LMTK3: variants seen among roughly 807,000 people sequenced by gnomAD.
LMTK3 encodes lemur tail kinase 3.
Under a neutral mutation model 116.7 loss-of-function variants are expected in LMTK3, and 27 were observed. That is an observed-to-expected ratio of 0.23 (90% CI 0.17 to 0.32). LMTK3 has a LOEUF of 0.32. Ranked by LOEUF, LMTK3 falls within the 10% of genes least tolerant of loss-of-function variation. The pLI is 1.00. For synonymous variants in LMTK3, 965 were observed against 971.0 expected, an observed-to-expected ratio of 0.99 and a Z score of 0.11; for missense variants, 1,764 against 2,068.5, an observed-to-expected ratio of 0.85 and a Z score of 2.86.
chr19:48,510,661 G>T, intron 1 of LMTK3, 69 bp from the exon 2 acceptor site: 1 of 1,454,454 alleles, frequency 6.9e-7, no homozygotes, highest in East Asian at 2.6e-5. Flanking sequence ...GCCCCCTCCC[G>T]TCCCGGCACG....
chr19:48,496,349 A>C (rs1972324045), intron 11 of LMTK3, among the ~76,000 whole-genome samples: 1 of 147,632 alleles, frequency 6.8e-6, no homozygotes, highest in African/African-American at 2.5e-5. Flanking sequence ...CCCAGGCTGG[A>C]GTGCAGTGGC....
At chr19:48,488,790 AG>A (rs1298048416) in intron 14 of LMTK3, among the ~76,000 whole-genome samples, 37 of 141,798 alleles carry the variant, frequency 2.6e-4, no homozygotes, top group African/African-American at 9.3e-4. Flanking sequence ...CCCAGGCTGG[AG>A]TGCAATGGCT....
Position 48,508,806 on chromosome 19 carries a change from A to C in LMTK3, c.557+45T>G, listed in dbSNP as rs776942131. ...CATACAGCACTCCTTCCACTCCTGA[A>C]TGTCACCTCAACAAGGCACACACCC... On this transcript the variant is annotated intron_variant, in intron 5 of 14. Coordinates refer to ENST00000600059, the MANE Select transcript of LMTK3 (RefSeq NM_001388485.1). 2.1e-6 allele frequency: 3 copies of C among 1,423,788 alleles called. No homozygotes were observed. The East Asian group carries it at 6.8e-5, about 32-fold the overall frequency. The allele number at this position is 1,423,788 out of a possible 1,614,324, so 88.2% of individuals were successfully genotyped here. A position where few individuals can be genotyped will look rare whatever the true frequency, so the allele number is the denominator to read the frequency against.
intron 14 of LMTK3, among the ~76,000 whole-genome samples, chr19:48,486,289 G>C (rs1235396236): frequency 6.6e-6 from 1 of 151,094 alleles, no homozygotes; most frequent in African/African-American, 2.4e-5. Context: ...TCGACCTCCT[G>C]ACCTCGTGAT....
At position 48,509,463 on chromosome 19, in the gene LMTK3, C is replaced by T; in HGVS notation, c.412G>A (p.Glu138Lys). The change falls in exon 4 of 15, where the codon GAG (glutamate) becomes AAG (lysine). Residue 138 changes from glutamate to lysine, a missense_variant. Physicochemically the swap from Glu to Lys is moderately conservative, Grantham distance 56. Coordinates refer to ENST00000600059, the MANE Select transcript of LMTK3 (RefSeq NM_001388485.1). Reference protein sequence around the residue: ...LSRQHLSYLQEIGSGWFGKVI... With the variant: ...LSRQHLSYLQKIGSGWFGKVI... Reference sequence around the variant, plus strand: ...TTCCCAAACCAGCCACTCCCAATCTCCTGCAGGTAGCTCAGGTGCTGCCGG... The same window carrying T: ...TTCCCAAACCAGCCACTCCCAATCTTCTGCAGGTAGCTCAGGTGCTGCCGG... 1 of 1,560,144 alleles carries T rather than the reference C, an allele frequency of 6.4e-7. No individual in the cohort carries two copies. Among genetic ancestry groups the T allele is most frequent in the Non-Finnish European group, 8.7e-7 (1 of 1,151,174 alleles).
chr19:48,498,878 C>CG lies in LMTK3; in HGVS notation c.2190dup (p.Glu731ArgfsTer809), dbSNP rs1555901294. 2.0e-4 allele frequency: 174 copies of CG among 890,990 alleles called. No individual in the cohort carries two copies. Among genetic ancestry groups the CG allele is most frequent in the South Asian group, 2.2e-4 (4 of 18,128 alleles). 55.2% of individuals were successfully genotyped at this position (890,990 alleles called of 1,614,324 possible). A position where few individuals can be genotyped will look rare whatever the true frequency, so the allele number is the denominator to read the frequency against. On this transcript the variant is annotated frameshift_variant, in exon 11 of 15. Coordinates refer to ENST00000600059, the MANE Select transcript of LMTK3 (RefSeq NM_001388485.1). LOFTEE classifies it high-confidence loss of function. Reference sequence around the variant, plus strand: ...GCCCCCATGAGGGGGTCCAGAAACTCGGGGGGGGCCGAGGCGGGGGGGGCC... The same window carrying CG: ...GCCCCCATGAGGGGGTCCAGAAACTCGGGGGGGGGCCGAGGCGGGGGGGGCC...
chr19:48,490,197 C>A (rs758104153), intron 14 of LMTK3, among the ~76,000 whole-genome samples: 4 of 152,196 alleles, frequency 2.6e-5, no homozygotes, highest in Non-Finnish European at 4.4e-5. Flanking sequence ...CTCCTCACTT[C>A]TCTCCGTGCC....
intron 5 of LMTK3, among the ~76,000 whole-genome samples, chr19:48,503,791 C>T (rs967118411): frequency 4.1e-4 from 61 of 149,166 alleles, no homozygotes; most frequent in Admixed American, 1.7e-3. Flanking sequence ...CTACAGTTTT[C>T]TCTCTCTCTC....
chr19:48,502,518 G>T lies in LMTK3; in HGVS notation c.709C>A (p.Pro237Thr), dbSNP rs908047754. Residue 237 changes from proline (P) to threonine (T), a missense_variant, in exon 7 of 15, where the codon CCT (proline) becomes ACT (threonine). Pro to Thr is a conservative substitution (Grantham distance 38, BLOSUM62 -1). Coordinates refer to ENST00000600059, the MANE Select transcript of LMTK3 (RefSeq NM_001388485.1). ...PPEGLSPELP[P>T]RDLRTLQRMG... is the part of the protein sequence containing the mutation. ...CTCTGCAGCGTCCGCAGGTCTCGAG[G>T]GGGTAGCTCAGGGGACAGGCCCTCG... 6 of 1,607,526 alleles carry T rather than the reference G, an allele frequency of 3.7e-6. No homozygotes were observed. Among genetic ancestry groups the T allele is most frequent in the Non-Finnish European group, 5.1e-6 (6 of 1,177,484 alleles).
Position 48,497,695 on chromosome 19 carries a change from C to T in LMTK3, c.3374G>A (p.Gly1125Asp), listed in dbSNP as rs867579354. ...TGCGTCCACGCCGCTTCCGGGGCCGCCGCCGGGGGCCGTCCCCGTGCCCAC... is the reference window on the plus strand; with the variant it reads ...TGCGTCCACGCCGCTTCCGGGGCCGTCGCCGGGGGCCGTCCCCGTGCCCAC... ...APVGTGTAPG[G>D]GPGSGVDAKA... is the part of the protein sequence containing the mutation. The change falls in exon 11 of 15, where the codon GGC (glycine) becomes GAC (aspartate). Residue 1125 changes from glycine to aspartate, a missense_variant. Around this residue, in one of 7 missense-constraint regions of LMTK3, gnomAD observed 1,028 missense variants for 1,050.6 expected, o/e 0.98. Coordinates refer to ENST00000600059, the MANE Select transcript of LMTK3 (RefSeq NM_001388485.1). The surrounding 1 kb of genome is among the most constrained non-coding windows in gnomAD (Gnocchi z 5.7). The T allele has an allele frequency of 6.0e-4, 787 of 1,315,402 alleles. No homozygotes were observed. The highest frequency in any genetic ancestry group is 7.2e-4 in the Non-Finnish European group (746 of 1,036,488). 81.5% of individuals were successfully genotyped at this position (1,315,402 alleles called of 1,614,324 possible). A position where few individuals can be genotyped will look rare whatever the true frequency, so the allele number is the denominator to read the frequency against.
chr19:48,498,476 A>T lies in LMTK3; in HGVS notation c.2593T>A (p.Ser865Thr), dbSNP rs763906029. 8 of 1,600,822 alleles carry T rather than the reference A, an allele frequency of 5.0e-6. No homozygotes were observed. The highest frequency in any genetic ancestry group is 3.3e-4 in the Middle Eastern group (2 of 6,046). Residue 865 changes from serine to threonine, a missense_variant, in exon 11 of 15, where the codon TCC (serine) becomes ACC (threonine). By Grantham distance (58) the Ser-to-Thr change is moderately conservative (BLOSUM62 1). This residue lies in a region of LMTK3 where 1,028 missense variants were observed against 1,050.6 expected (regional missense o/e 0.98). Transcript: ENST00000600059. Reference sequence around the variant, plus strand: ...TTCCTTGTCACATCCTCCCGCAGGGACATCAGCAGCTGTTCCGTGCTCACT... The same window carrying T: ...TTCCTTGTCACATCCTCCCGCAGGGTCATCAGCAGCTGTTCCGTGCTCACT... Reference protein sequence around the residue: ...VQVSTEQLLMSLREDVTRNLL... With the variant: ...VQVSTEQLLMTLREDVTRNLL...
rs754023434 is a variant in LMTK3, at chr19:48,497,478, G to T, written c.3591C>A (p.Pro1197=). ...CGGGGCCCTTCCTCTCGGGCTTGGG[G>T]GGGTCCCCGTCTCCGCTGAGTGCCG... is the stretch of plus-strand genomic sequence containing the variant. The part of the protein sequence containing the change: ...GDTALSGDGD[P]PKPERKGPEM... Residue 1197 remains proline (P), a synonymous_variant, in exon 11 of 15, where the codon CCC becomes CCA. Transcript: ENST00000600059. The surrounding 1 kb of genome is among the most constrained non-coding windows in gnomAD (Gnocchi z 5.7). The T allele has an allele frequency of 3.3e-6, 5 of 1,502,548 alleles. No individual in the cohort carries two copies. The highest frequency in any genetic ancestry group is 4.4e-6 in the Non-Finnish European group (5 of 1,129,510). 93.1% of individuals were successfully genotyped at this position (1,502,548 alleles called of 1,614,324 possible). A position where few individuals can be genotyped will look rare whatever the true frequency, so the allele number is the denominator to read the frequency against.
Position 48,493,037 on chromosome 19 carries a change from TC to T in LMTK3, c.4092+656del, listed in dbSNP as rs202081276. Reference sequence around the variant, plus strand: ...ACCCCGCCTTCACCCCTCAGGCCCTTCCCGCGCCCTGCTCCATCCGCCCCGC... The same window carrying T: ...ACCCCGCCTTCACCCCTCAGGCCCTTCCGCGCCCTGCTCCATCCGCCCCGC... On this transcript the variant is annotated intron_variant, in intron 12 of 14. Coordinates refer to ENST00000600059, the MANE Select transcript of LMTK3 (RefSeq NM_001388485.1). Among the ~76,000 whole-genome samples, 789 of 151,894 alleles carry T rather than the reference TC, an allele frequency of 5.2e-3. 14 individuals carry two copies. Among genetic ancestry groups the T allele is most frequent in the African/African-American group, 0.018 (755 of 41,394 alleles).
chr19:48,510,151 T>A lies in LMTK3; in HGVS notation c.233A>T (p.Glu78Val). 1 of 1,613,438 alleles carries A rather than the reference T, an allele frequency of 6.2e-7. No homozygotes were observed. The highest frequency in any genetic ancestry group is 8.5e-7 in the Non-Finnish European group (1 of 1,179,534). Reference sequence around the variant, plus strand: ...GGGAGTGTACTCCCCGGAGCAGTCCTCCCCTTCAGGGTTCTCAAATTCCTG... The same window carrying A: ...GGGAGTGTACTCCCCGGAGCAGTCCACCCCTTCAGGGTTCTCAAATTCCTG... ...GFKEFENPEG[E>V]DCSGEYTPPA... Residue 78 changes from glutamate to valine, a missense_variant, in exon 3 of 15, where the codon GAG (glutamate) becomes GTG (valine). Transcript: ENST00000600059.
chr19:48,501,234 C>G (rs374433313), intron 9 of LMTK3, 49 bp downstream of exon 9: 1 of 1,609,202 alleles, frequency 6.2e-7, no homozygotes, highest in African/African-American at 1.3e-5. Context: ...ATCTAGTAAC[C>G]CTTCCACCTT....
In LMTK3 at chr19:48,499,617, G is replaced by C. The variant is rs926669510; in HGVS notation, c.1452C>G (p.Ala484=). The part of the protein sequence containing the change: ...GLNLECLWEK[A]RRGAGRGGGA... ...CCCCACCCCGGCCGGCCCCACGCCGGGCCTTCTCCCACAGGCACTCGAGGT... is the reference window on the plus strand; with the variant it reads ...CCCCACCCCGGCCGGCCCCACGCCGCGCCTTCTCCCACAGGCACTCGAGGT... The change falls in exon 11 of 15, where the codon GCC becomes GCG. Residue 484 remains alanine, a synonymous_variant. Coordinates refer to ENST00000600059, the MANE Select transcript of LMTK3 (RefSeq NM_001388485.1). The C allele has an allele frequency of 3.2e-6, 5 of 1,542,060 alleles. No individual in the cohort carries two copies. Among genetic ancestry groups the C allele is most frequent in the Non-Finnish European group, 4.4e-6 (5 of 1,143,796 alleles).
intron 10 of LMTK3, 57 bp from the exon 11 acceptor site, chr19:48,499,974 C>T: frequency 3.4e-6 from 5 of 1,487,396 alleles, no homozygotes; most frequent in Non-Finnish European, 4.5e-6. Context: ...GGAAAGAGAC[C>T]CAGGGAGGGG....
rs190611473 is a variant in LMTK3, at chr19:48,487,139, A to G, written c.4367-1350T>C. The stretch of plus-strand genomic sequence containing the variant: ...AACCTCCACCTCCCAGGTTCAAGCA[A>G]TTCTCCTGCCTCAGCCTCCCAAGTA... On this transcript the variant is annotated intron_variant, in intron 14 of 14. Transcript: ENST00000600059. 1.3e-3 allele frequency among the ~76,000 whole-genome samples: 204 copies of G among 151,460 alleles called. 3 individuals are homozygous for G. Among genetic ancestry groups the G allele is most frequent in the Admixed American group, 0.012 (183 of 15,154 alleles).
Position 48,491,195 on chromosome 19 carries a change from G to C in LMTK3, c.4279C>G (p.Pro1427Ala). The change falls in exon 14 of 15, where the codon CCC becomes GCC. Residue 1427 changes from proline (P) to alanine (A), a missense_variant. Around this residue, in one of 7 missense-constraint regions of LMTK3, gnomAD observed 281 missense variants for 301.4 expected, o/e 0.93. Coordinates refer to ENST00000600059, the MANE Select transcript of LMTK3 (RefSeq NM_001388485.1). The surrounding 1 kb of genome is among the most constrained non-coding windows in gnomAD (Gnocchi z 5.1). ...EDFPLLPPPG[P>A]PLCFSRFSVS... ...GAGAAGCGGGAGAAGCACAGCGGGGGGCCTGGAGGGGGGAGGAGGGGGAAA... is the reference window on the plus strand; with the variant it reads ...GAGAAGCGGGAGAAGCACAGCGGGGCGCCTGGAGGGGGGAGGAGGGGGAAA... 1.4e-6 allele frequency: 2 copies of C among 1,407,758 alleles called. No individual in the cohort carries two copies. The highest frequency in any genetic ancestry group is 3.0e-5 in the African/African-American group (2 of 66,626). The allele number at this position is 1,407,758 out of a possible 1,614,324, so 87.2% of individuals were successfully genotyped here.
Sources: gnomAD v4.1 joint callset for allele counts (sites outside exome capture counted in the v4.1 genomes callset) on GRCh38, gnomAD v4.1.1 for gene constraint, gnomAD v4.1.1 regional missense constraint, Gnocchi (gnomAD v3.1) non-coding constraint, MANE v1.5 for transcripts, NCBI Gene and HGNC (gene_info 2026-07-23, HGNC 2026-07-21) for gene names.